Variants in NSUN6 observed in about 807,000 individuals in gnomAD.
NSUN6 encodes the protein tRNA (cytosine(72)-C(5))-methyltransferase NSUN6.
A neutral mutation model predicts 58.0 loss-of-function variants in NSUN6; 64 were observed. The observed-to-expected ratio is 1.10, with a 90% CI of 0.90 to 1.36. The LOEUF is 1.36. NSUN6 is among the 40% of genes most tolerant of loss of function. The pLI, the probability that NSUN6 is intolerant of heterozygous loss-of-function variation, is 0.00. For synonymous variants in NSUN6, 231 were observed against 193.9 expected, an observed-to-expected ratio of 1.19 and a Z score of -1.59; for missense variants, 701 against 550.1, an observed-to-expected ratio of 1.27 and a Z score of -2.74.
At chr10:18,646,412 C>T (rs7099260) in intron 2 of NSUN6, among the ~76,000 whole-genome samples, 6 of 151,812 alleles carry the variant, frequency 4.0e-5, no homozygotes, top group African/African-American at 7.3e-5. Flanking sequence ...TGACTCTGAC[C>T]GAAGCTTCCC....
chr10:18,560,188 G>A (rs2055385114), intron 8 of NSUN6, among the ~76,000 whole-genome samples: 1 of 151,332 alleles, frequency 6.6e-6, no homozygotes, highest in Admixed American at 6.6e-5. Context: ...GAATGAACTG[G>A]AATGGAAAAT....
At chr10:18,573,691 A>G (rs138142322) in intron 8 of NSUN6, among the ~76,000 whole-genome samples, 8 of 152,272 alleles carry the variant, frequency 5.3e-5, no homozygotes, top group Non-Finnish European at 7.3e-5. Flanking sequence ...ATTCTTAACC[A>G]TCTGCAGTTT....
At chr10:18,657,107 C>CATG (rs2131627088), upstream of NSUN6, among the ~76,000 whole-genome samples, 1 of 152,228 alleles carries the variant, frequency 6.6e-6, no homozygotes, top group South Asian at 2.1e-4. Context: ...GCATCACAGG[C>CATG]ATGAGCCACC....
At chr10:18,573,384 A>G (rs571168972) in intron 8 of NSUN6, among the ~76,000 whole-genome samples, 3 of 146,610 alleles carry the variant, frequency 2.0e-5, no homozygotes, top group African/African-American at 7.6e-5. Flanking sequence ...TCCATTCTCC[A>G]TTCCATTCCA....
At chr10:18,546,203 G>T in intron 10 of NSUN6, 58 bp from the exon 11 acceptor site, 1 of 1,175,704 alleles carries the variant, frequency 8.5e-7, no homozygotes, top group Non-Finnish European at 1.3e-6. Flanking sequence ...AAGTATGACT[G>T]CTACAATTTA....
At chr10:18,590,473 G>A (rs887613411) in intron 7 of NSUN6, among the ~76,000 whole-genome samples, 1 of 152,106 alleles carries the variant, frequency 6.6e-6, no homozygotes, top group Non-Finnish European at 1.5e-5. Flanking sequence ...GTGCCACATG[G>A]CACTTATTCT....
chr10:18,587,597 T>C (rs1306633303), intron 7 of NSUN6, among the ~76,000 whole-genome samples: 1 of 151,938 alleles, frequency 6.6e-6, no homozygotes, highest in Non-Finnish European at 1.5e-5. Flanking sequence ...ACCCAGTTCA[T>C]CTCACTGGGA....
chr10:18,633,105 A>G (rs972793207), intron 3 of NSUN6, among the ~76,000 whole-genome samples: 8 of 151,982 alleles, frequency 5.3e-5, no homozygotes, highest in Admixed American at 5.3e-4. Context: ...TGTCCTTTGT[A>G]GGGACATGGA....
At chr10:18,651,093 T>C (rs2059691252) in intron 1 of NSUN6, 36 bp downstream of exon 1, 1 of 1,571,278 alleles carries the variant, frequency 6.4e-7, no homozygotes, top group African/African-American at 1.4e-5. Context: ...ATTTGAGTTT[T>C]TGCAAAATAT....
intron 2 of NSUN6, among the ~76,000 whole-genome samples, chr10:18,643,932 C>G (rs1453898606): frequency 6.6e-6 from 1 of 152,150 alleles, no homozygotes; most frequent in East Asian, 1.9e-4. Context: ...TGTACATACC[C>G]TTCATAACAC....
chr10:18,605,211 G>C (rs1211959576), intron 6 of NSUN6, among the ~76,000 whole-genome samples: 1 of 147,064 alleles, frequency 6.8e-6, no homozygotes, highest in Non-Finnish European at 1.5e-5. Context: ...AAAAAAAAAA[G>C]TGTAGAAAAA....
At chr10:18,560,222 G>C (rs1420110362) in intron 8 of NSUN6, among the ~76,000 whole-genome samples, 2 of 151,512 alleles carry the variant, frequency 1.3e-5, no homozygotes, top group Non-Finnish European at 3.0e-5. Flanking sequence ...GAATGGTATG[G>C]AATGGAACGG....
chr10:18,620,153 T>C (rs1045851358), intron 3 of NSUN6, among the ~76,000 whole-genome samples: 2 of 152,000 alleles, frequency 1.3e-5, no homozygotes, highest in African/African-American at 4.8e-5. Context: ...AGTTGCGCCA[T>C]CTTGGCTCGC....
chr10:18,570,693 A>G (rs1218622320), intron 8 of NSUN6, among the ~76,000 whole-genome samples: 1 of 93,964 alleles, frequency 1.1e-5, no homozygotes, highest in Non-Finnish European at 2.2e-5. Flanking sequence ...TTCATGCTCC[A>G]TTCCATTCCA....
At chr10:18,587,749 G>A (rs2057220536) in intron 7 of NSUN6, among the ~76,000 whole-genome samples, 1 of 152,144 alleles carries the variant, frequency 6.6e-6, no homozygotes. Flanking sequence ...TACCCAGGCT[G>A]GGTACTACGC....
chr10:18,562,439 T>C (rs2055588847), intron 8 of NSUN6, among the ~76,000 whole-genome samples: 1 of 148,590 alleles, frequency 6.7e-6, no homozygotes, highest in Non-Finnish European at 1.5e-5. Flanking sequence ...GAATGCGGAA[T>C]GGAATGGAAT....
chr10:18,626,074 AG>A (rs2058791621), intron 3 of NSUN6, among the ~76,000 whole-genome samples: 1 of 152,146 alleles, frequency 6.6e-6, no homozygotes, highest in East Asian at 1.9e-4. Flanking sequence ...GGGAAAGGGC[AG>A]GGGGTGCGGG....
At chr10:18,569,681 C>A (rs977829872) in intron 8 of NSUN6, among the ~76,000 whole-genome samples, 3 of 151,122 alleles carry the variant, frequency 2.0e-5, no homozygotes, top group African/African-American at 7.3e-5. Flanking sequence ...ATTCCATATT[C>A]TATTCCTTTC....
intron 3 of NSUN6, among the ~76,000 whole-genome samples, chr10:18,619,408 C>G (rs1488660102): frequency 6.6e-6 from 1 of 152,192 alleles, no homozygotes; most frequent in South Asian, 2.1e-4. Flanking sequence ...CTTGTAATGA[C>G]TACTGGGTAT....
Sources: gnomAD v4.1 joint callset for allele counts (sites outside exome capture counted in the v4.1 genomes callset) on GRCh38, gnomAD v4.1.1 for gene constraint, MANE v1.5 for transcripts, NCBI Gene and HGNC (gene_info 2026-07-23, HGNC 2026-07-21) for gene names.